The following AGPS variants were observed in gnomAD, a reference collection of about 807,000 sequenced individuals.
AGPS encodes the protein alkyldihydroxyacetonephosphate synthase, peroxisomal.
A neutral mutation model predicts 90.7 loss-of-function variants in AGPS; 26 were observed. The ratio of observed to expected loss-of-function variants is 0.29; its 90% CI spans 0.21 to 0.40. The LOEUF is 0.40. AGPS is among the 10% of genes least tolerant of loss of function. The pLI is 1.00. For missense variants in AGPS, 540 were observed against 816.1 expected, an observed-to-expected ratio of 0.66 and a Z score of 4.12; for synonymous variants, 294 against 285.3, an observed-to-expected ratio of 1.03 and a Z score of -0.31.
chr2:177,458,858 C>G (rs547782282), intron 8 of AGPS, among the ~76,000 whole-genome samples: 1 of 152,156 alleles, frequency 6.6e-6, no homozygotes, highest in Non-Finnish European at 1.5e-5. Flanking sequence ...AAAGAGCCCA[C>G]GTAGCCAAGA....
intron 8 of AGPS, 40 bp from the exon 9 acceptor site, chr2:177,461,853 G>A: frequency 6.3e-7 from 1 of 1,586,432 alleles, no homozygotes; most frequent in Non-Finnish European, 8.6e-7. Context: ...TACGTAATGG[G>A]ACCATTTTCA....
chr2:177,509,708 G>A (rs1374717500), intron 16 of AGPS, among the ~76,000 whole-genome samples: 1 of 150,948 alleles, frequency 6.6e-6, no homozygotes, highest in Non-Finnish European at 1.5e-5. Flanking sequence ...TATTCATAGT[G>A]GTCTCAAAGA....
intron 6 of AGPS, 184 bp downstream of exon 6, chr2:177,441,220 A>C: frequency 1.7e-6 from 1 of 592,186 alleles, no homozygotes; most frequent in East Asian, 2.9e-5. Flanking sequence ...TGTTTGAGAC[A>C]TGGTATACCT....
At chr2:177,479,950 G>T (rs1443059151) in intron 10 of AGPS, among the ~76,000 whole-genome samples, 2 of 152,210 alleles carry the variant, frequency 1.3e-5, no homozygotes, top group African/African-American at 4.8e-5. Context: ...GGAGGCCAAG[G>T]CGGGTAGATC....
chr2:177,447,138 A>G lies in AGPS; in HGVS notation c.870+1512A>G, dbSNP rs1686799925. Among the ~76,000 whole-genome samples, 3 of 152,274 alleles carry G rather than the reference A, an allele frequency of 2.0e-5. No individual in the cohort carries two copies. In the South Asian group the frequency reaches 6.2e-4, roughly 32 times the overall value. Reference sequence around the variant, plus strand: ...AGAGACCCCTCTCCTCCAAACCTTTAATAGGAAGAGATGTGATGTGATTGT... The same window carrying G: ...AGAGACCCCTCTCCTCCAAACCTTTGATAGGAAGAGATGTGATGTGATTGT... On this transcript the variant is annotated intron_variant, in intron 8 of 19. Coordinates refer to ENST00000264167, the MANE Select transcript of AGPS (RefSeq NM_003659.4).
At chr2:177,442,828 C>CAAA (rs71007994) in intron 7 of AGPS, among the ~76,000 whole-genome samples, 9 of 99,392 alleles carry the variant, frequency 9.1e-5, no homozygotes, top group African/African-American at 1.9e-4. Context: ...GCCTGGGTGA[C>CAAA]AAAAAAAAAA....
At chr2:177,429,259 C>T (rs1041285232) in intron 2 of AGPS, among the ~76,000 whole-genome samples, 4 of 152,102 alleles carry the variant, frequency 2.6e-5, no homozygotes, top group Non-Finnish European at 5.9e-5. Context: ...AGAGCATGTT[C>T]CTTTAGCTCA....
chr2:177,450,963 C>CATATATATATATATACATATATATATAT (rs1400248543), intron 8 of AGPS, among the ~76,000 whole-genome samples: 1 of 6,348 alleles, frequency 1.6e-4, no homozygotes, highest in African/African-American at 3.3e-4. Flanking sequence ...ACATGTCTTT[C>CATATATATATATATACATATATATATAT]ATATATATAT....
At chr2:177,522,983 T>A (rs763763022) in intron 18 of AGPS, among the ~76,000 whole-genome samples, 1 of 152,166 alleles carries the variant, frequency 6.6e-6, no homozygotes, top group Non-Finnish European at 1.5e-5. Flanking sequence ...TCTTTAGTCA[T>A]TCTATATTTT....
rs1559090343 is a variant in AGPS at position 177,540,060 on chromosome 2, C to CGT, written c.*1865_*1866insGT. 0.012 allele frequency: 696 copies of CGT among 59,414 alleles called. 4 individuals carry two copies. The highest frequency in any genetic ancestry group is 0.034 in the African/African-American group (659 of 19,144). 3.7% of individuals were successfully genotyped at this position (59,414 alleles called of 1,614,324 possible). ...ATATATATATATATATATATGTATGCATGTGTGTGTGTGTATATATATATA... is the reference window on the plus strand; with the variant it reads ...ATATATATATATATATATATGTATGCGTATGTGTGTGTGTGTATATATATATA... On this transcript the variant is annotated 3_prime_UTR_variant, in exon 20 of 20. Coordinates refer to ENST00000264167, the MANE Select transcript of AGPS (RefSeq NM_003659.4).
At chr2:177,512,006 A>G (rs1688888034) in intron 16 of AGPS, among the ~76,000 whole-genome samples, 1 of 152,242 alleles carries the variant, frequency 6.6e-6, no homozygotes, top group Admixed American at 6.5e-5. Flanking sequence ...AAAGGACTGT[A>G]ACAGCAGATG....
chr2:177,396,942 C>CTTTTTTCTTT (rs1553504873), intron 1 of AGPS, among the ~76,000 whole-genome samples: 3 of 140,550 alleles, frequency 2.1e-5, no homozygotes, highest in Non-Finnish European at 4.7e-5. Context: ...TTTTTCTTTT[C>CTTTTTTCTTT]TTTTTTTTTT....
intron 9 of AGPS, among the ~76,000 whole-genome samples, 189 bp from the exon 10 acceptor site, chr2:177,468,227 G>A (rs571282178): frequency 6.6e-6 from 1 of 151,998 alleles, no homozygotes; most frequent in South Asian, 2.1e-4. Context: ...CCTCTTTTAA[G>A]GTTATATACA....
chr2:177,489,306 G>A lies in AGPS; in HGVS notation c.1234-3842G>A, dbSNP rs578206236. On this transcript the variant is annotated intron_variant, in intron 11 of 19. Transcript: ENST00000264167. ...TCACTGTGTTAGCCAGGATGGTCTC[G>A]ATCTCCTGACCTCGTGATCCGCCTG... Among the ~76,000 whole-genome samples the A allele has an allele frequency of 4.2e-4, 64 of 152,086 alleles. No homozygotes were observed. The East Asian group carries it at 0.012, about 28-fold the overall frequency.
At chr2:177,402,090 A>G (rs535363673) in intron 1 of AGPS, among the ~76,000 whole-genome samples, 9 of 152,358 alleles carry the variant, frequency 5.9e-5, no homozygotes, top group African/African-American at 2.2e-4. Context: ...CATAGTAAAT[A>G]AGTAAATTAT....
chr2:177,403,859 G>A (rs1172348934), intron 1 of AGPS, among the ~76,000 whole-genome samples: 1 of 152,172 alleles, frequency 6.6e-6, no homozygotes, highest in Non-Finnish European at 1.5e-5. Context: ...TTTATCTGAT[G>A]AGGACGGTGT....
Position 177,425,523 on chromosome 2 carries a change from A to T in AGPS, c.350+5165A>T, listed in dbSNP as rs1686053957. Among the ~76,000 whole-genome samples, 10 of 145,808 alleles carry T rather than the reference A, an allele frequency of 6.9e-5. No individual in the cohort carries two copies. The Admixed American group carries it at 7.1e-4, about 10-fold the overall frequency. On this transcript the variant is annotated intron_variant, in intron 2 of 19. Coordinates refer to ENST00000264167, the MANE Select transcript of AGPS (RefSeq NM_003659.4). ...ATAATCCCAGCTACTCATGAGGCTG[A>T]GGCAGGAGACTCGCTTGAACCCGGG...
chr2:177,541,331 A>G lies in AGPS; in HGVS notation c.*3136A>G, dbSNP rs946881395. 1.3e-5 allele frequency: 2 copies of G among 152,124 alleles called. No homozygotes were observed. The highest frequency in any genetic ancestry group is 4.8e-5 in the African/African-American group (2 of 41,434). The allele number at this position is 152,124 out of a possible 1,614,324, so 9.4% of individuals were successfully genotyped here. ...GTTAGCACCCAGACTTTCCTTTGTC[A>G]TATTCCTTTATAGCTACAACTTAAC... On this transcript the variant is annotated 3_prime_UTR_variant, in exon 20 of 20. Coordinates refer to ENST00000264167, the MANE Select transcript of AGPS (RefSeq NM_003659.4).
At position 177,413,679 on chromosome 2, in the gene AGPS, A is replaced by T. The variant is rs77504707; in HGVS notation, c.261-6590A>T. 6.8e-3 allele frequency among the ~76,000 whole-genome samples: 1,033 copies of T among 152,306 alleles called. 11 individuals carry two copies. Among genetic ancestry groups the T allele is most frequent in the African/African-American group, 0.024 (980 of 41,568 alleles). On this transcript the variant is annotated intron_variant, in intron 1 of 19. Transcript: ENST00000264167. ...TGTCCTTTGCTATGACAACCTCCTG[A>T]TGCAGATTTGGATTGTTTTCCTCAT... is the stretch of plus-strand genomic sequence containing the variant.
Sources: gnomAD v4.1 joint callset for allele counts (sites outside exome capture counted in the v4.1 genomes callset) on GRCh38, gnomAD v4.1.1 for gene constraint, MANE v1.5 for transcripts, NCBI Gene and HGNC (gene_info 2026-07-23, HGNC 2026-07-21) for gene names.